The following ZNF407 variants were observed in gnomAD, a reference collection of about 807,000 sequenced individuals.
ZNF407 encodes zinc finger protein 407.
In ZNF407, 17 loss-of-function variants were observed where a neutral mutation model predicts 131.2. That is an observed-to-expected ratio of 0.13 (90% CI 0.09 to 0.19). The LOEUF is 0.19. ZNF407 is among the 10% of genes least tolerant of loss of function. The probability of loss-of-function intolerance (pLI) is 1.00; values close to 1 mark genes in which losing one functional copy is unlikely to be tolerated. For missense variants in ZNF407, 2,681 were observed against 2,830.6 expected, an observed-to-expected ratio of 0.95 and a Z score of 1.20; for synonymous variants, 1,156 against 1,062.0, an observed-to-expected ratio of 1.09 and a Z score of -1.72.
At chr18:75,053,762 A>C (rs1333643000) in intron 8 of ZNF407, among the ~76,000 whole-genome samples, 2 of 152,204 alleles carry the variant, frequency 1.3e-5, no homozygotes, top group Non-Finnish European at 2.9e-5. Flanking sequence ...TGCCGTGTGT[A>C]GAAAAGGCTG....
intron 8 of ZNF407, among the ~76,000 whole-genome samples, chr18:74,933,115 A>G (rs901896890): frequency 6.6e-6 from 1 of 152,224 alleles, no homozygotes; most frequent in African/African-American, 2.4e-5. Flanking sequence ...CAGCACTATT[A>G]ATAGTGAAAA....
At chr18:75,027,766 C>T (rs150153781) in intron 8 of ZNF407, among the ~76,000 whole-genome samples, 38 of 151,968 alleles carry the variant, frequency 2.5e-4, no homozygotes, top group African/African-American at 7.7e-4. Context: ...CACAGGAGTA[C>T]GAGAAGGAGT....
chr18:74,744,981 C>G (rs1223230221), intron 3 of ZNF407, among the ~76,000 whole-genome samples: 1 of 151,726 alleles, frequency 6.6e-6, no homozygotes, highest in East Asian at 1.9e-4. Flanking sequence ...TCTGTAAAAT[C>G]GAGTAGGGAA....
intron 3 of ZNF407, among the ~76,000 whole-genome samples, chr18:74,752,550 T>C (rs1968831048): frequency 6.6e-6 from 1 of 152,180 alleles, no homozygotes; most frequent in Non-Finnish European, 1.5e-5. Context: ...TTAATTTTTG[T>C]ATAGGGTGTA....
chr18:74,968,082 G>A (rs1373890473), intron 8 of ZNF407, among the ~76,000 whole-genome samples: 2 of 152,118 alleles, frequency 1.3e-5, no homozygotes, highest in African/African-American at 2.4e-5. Context: ...CTGGACATCA[G>A]TGACCCAATT....
chr18:74,952,765 C>G (rs1451986229), intron 8 of ZNF407, among the ~76,000 whole-genome samples: 5 of 152,120 alleles, frequency 3.3e-5, no homozygotes, highest in African/African-American at 1.2e-4. Flanking sequence ...CCCTTGAAAC[C>G]ATGGCCATAA....
chr18:74,997,874 G>GACAT (rs1482389653), intron 8 of ZNF407, among the ~76,000 whole-genome samples: 1 of 152,192 alleles, frequency 6.6e-6, no homozygotes, highest in Middle Eastern at 3.2e-3. Context: ...ATTTCTTGAA[G>GACAT]ACATTTTTTC....
In ZNF407 at chr18:74,998,046, C is replaced by A. The variant is rs1199285382; in HGVS notation, c.5429-65104C>A. 4.6e-5 allele frequency among the ~76,000 whole-genome samples: 7 copies of A among 152,248 alleles called. No homozygotes were observed. The South Asian group carries it at 1.5e-3, about 32-fold the overall frequency. ...ATGTGCAAGTGATGTTCCTCATCTC[C>A]AAGATGAGGAGCCTGGTGCCAGCTG... On this transcript the variant is annotated intron_variant, in intron 8 of 8. Transcript: ENST00000299687.
intron 3 of ZNF407, among the ~76,000 whole-genome samples, chr18:74,768,264 A>C (rs894449409): frequency 3.0e-4 from 45 of 152,268 alleles, no homozygotes; most frequent in Non-Finnish European, 5.1e-4. Context: ...TCAAGTATGG[A>C]GTGCTGGTCA....
At chr18:74,694,647 T>C (rs748345496) in intron 3 of ZNF407, among the ~76,000 whole-genome samples, 1 of 152,140 alleles carries the variant, frequency 6.6e-6, no homozygotes, top group Non-Finnish European at 1.5e-5. Flanking sequence ...CATGGGTCCC[T>C]GCACTGTGCT....
At chr18:74,869,685 T>C (rs748459468) in intron 4 of ZNF407, among the ~76,000 whole-genome samples, 12 of 152,168 alleles carry the variant, frequency 7.9e-5, no homozygotes, top group Non-Finnish European at 1.6e-4. Context: ...AATCCAGCAA[T>C]TGGTAAACTG....
rs563991233 is a variant in ZNF407, at chr18:75,062,816, CATGATG to C, written c.5429-333_5429-328del. The C allele has an allele frequency of 9.3e-5, 20 of 214,988 alleles. 1 individual carries two copies. In the East Asian group the frequency reaches 1.7e-3, roughly 18 times the overall value. The allele number at this position is 214,988 out of a possible 1,614,324, so 13.3% of individuals were successfully genotyped here. A position where few individuals can be genotyped will look rare whatever the true frequency, so the allele number is the denominator to read the frequency against. On this transcript the variant is annotated intron_variant, in intron 8 of 8. Transcript: ENST00000299687. ...TGACGGAACGCATTGTTACAAAAGA[CATGATG>C]GTGGTTGGGGGGAGGTATCCAGCCT...
At chr18:75,047,856 T>G (rs1973453347) in intron 8 of ZNF407, among the ~76,000 whole-genome samples, 1 of 152,268 alleles carries the variant, frequency 6.6e-6, no homozygotes, top group South Asian at 2.1e-4. Flanking sequence ...ATTCTGATTG[T>G]CTGGCTGCTG....
At chr18:74,883,888 A>G (rs1352378807) in intron 6 of ZNF407, among the ~76,000 whole-genome samples, 1 of 152,210 alleles carries the variant, frequency 6.6e-6, no homozygotes, top group Non-Finnish European at 1.5e-5. Context: ...ACTAATAGGT[A>G]CTGTTATGTA....
At chr18:74,762,725 C>T (rs537051090) in intron 3 of ZNF407, among the ~76,000 whole-genome samples, 1 of 151,764 alleles carries the variant, frequency 6.6e-6, no homozygotes, top group African/African-American at 2.4e-5. Flanking sequence ...ATCATCATAG[C>T]TGCTTTTAGA....
chr18:74,870,606 TATC>T (rs1222076851), intron 4 of ZNF407, among the ~76,000 whole-genome samples: 1 of 152,212 alleles, frequency 6.6e-6, no homozygotes, highest in Non-Finnish European at 1.5e-5. Flanking sequence ...ATATTAGTAT[TATC>T]ATGGAACATT....
At chr18:74,849,614 C>T (rs992051973) in intron 4 of ZNF407, among the ~76,000 whole-genome samples, 3 of 152,120 alleles carry the variant, frequency 2.0e-5, no homozygotes, top group Admixed American at 6.5e-5. Flanking sequence ...GTGCCCTGTC[C>T]GCTGCACCTC....
At chr18:74,763,030 A>C (rs954205833) in intron 3 of ZNF407, among the ~76,000 whole-genome samples, 1 of 152,054 alleles carries the variant, frequency 6.6e-6, no homozygotes, top group Non-Finnish European at 1.5e-5. Flanking sequence ...GTACCAGTTT[A>C]CATATCCACC....
At chr18:74,909,270 C>T (rs538663160) in intron 7 of ZNF407, among the ~76,000 whole-genome samples, 36 of 151,922 alleles carry the variant, frequency 2.4e-4, no homozygotes, top group African/African-American at 8.2e-4. Context: ...ATAGGAAAAG[C>T]GCCGATAATG....
Sources: gnomAD v4.1 joint callset for allele counts (sites outside exome capture counted in the v4.1 genomes callset) on GRCh38, gnomAD v4.1.1 for gene constraint, MANE v1.5 for transcripts, NCBI Gene and HGNC (gene_info 2026-07-23, HGNC 2026-07-21) for gene names.